Variants in C6 observed in about 807,000 individuals in gnomAD.
The protein encoded by C6 is complement component C6.
C6 carries 101 observed loss-of-function variants against 112.9 expected under a neutral mutation model. That is an observed-to-expected ratio of 0.89 (90% CI 0.76 to 1.06). The LOEUF (loss-of-function observed/expected upper bound fraction) is 1.06. Ranked by LOEUF, C6 falls within the 50% of genes least tolerant of loss-of-function variation. The probability of loss-of-function intolerance (pLI) is 0.00; values close to 1 mark genes in which losing one functional copy is unlikely to be tolerated. For missense variants in C6, 1,202 were observed against 1,104.6 expected, an observed-to-expected ratio of 1.09 and a Z score of -1.25; for synonymous variants, 431 against 384.1, an observed-to-expected ratio of 1.12 and a Z score of -1.43.
At chr5:41,165,593 T>A (rs1024601978) in intron 9 of C6, among the ~76,000 whole-genome samples, 2 of 152,184 alleles carry the variant, frequency 1.3e-5, no homozygotes, top group African/African-American at 4.8e-5. Flanking sequence ...TTTGCTTATT[T>A]TACAATTTCA....
chr5:41,170,462 A>T (rs1748333229), intron 9 of C6, among the ~76,000 whole-genome samples: 1 of 151,920 alleles, frequency 6.6e-6, no homozygotes, highest in Non-Finnish European at 1.5e-5. Context: ...TATTGAACTC[A>T]TATTCTTATT....
At chr5:41,235,111 A>T (rs562936886) in intron 1 of C6, among the ~76,000 whole-genome samples, 8 of 140,976 alleles carry the variant, frequency 5.7e-5, no homozygotes, top group Non-Finnish European at 9.1e-5. Context: ...GTTTTAGGGT[A>T]CATGTGCACA....
At chr5:41,237,069 A>G (rs1359921488) in intron 1 of C6, among the ~76,000 whole-genome samples, 1 of 145,106 alleles carries the variant, frequency 6.9e-6, no homozygotes, top group African/African-American at 2.6e-5. Flanking sequence ...AGGCTCTGAA[A>G]TTGTGGCAAT....
chr5:41,149,487 C>G lies in C6; in HGVS notation c.2382-5G>C. 1.2e-6 allele frequency: 2 copies of G among 1,613,716 alleles called. No homozygotes were observed. The highest frequency in any genetic ancestry group is 1.7e-6 in the Non-Finnish European group (2 of 1,179,918). On this transcript the variant is annotated splice_polypyrimidine_tract_variant and splice_region_variant and intron_variant, in intron 16 of 17. Coordinates refer to ENST00000337836, the MANE Select transcript of C6 (RefSeq NM_000065.5). The stretch of plus-strand genomic sequence containing the variant: ...CAGAGATCTTCTGAATGATGGCTGC[C>G]CAAGAGAGGAAAGCAAGCATTTCTA...
At chr5:41,192,840 A>G (rs1302369334) in intron 5 of C6, among the ~76,000 whole-genome samples, 2 of 152,160 alleles carry the variant, frequency 1.3e-5, no homozygotes, top group East Asian at 3.9e-4. Context: ...ACAGAAAGTG[A>G]ATTAGTGGTT....
At chr5:41,219,480 T>C (rs1425827206) in intron 1 of C6, among the ~76,000 whole-genome samples, 1 of 152,112 alleles carries the variant, frequency 6.6e-6, no homozygotes, top group Non-Finnish European at 1.5e-5. Context: ...TGAAGGGACA[T>C]GTGAAGTCCT....
intron 5 of C6, among the ~76,000 whole-genome samples, chr5:41,191,883 T>C (rs1750244474): frequency 6.6e-6 from 1 of 152,070 alleles, no homozygotes; most frequent in African/African-American, 2.4e-5. Context: ...CCTTTCCAGT[T>C]TGGATCCATT....
chr5:41,251,228 T>C (rs1741338757), intron 1 of C6, among the ~76,000 whole-genome samples: 1 of 152,184 alleles, frequency 6.6e-6, no homozygotes, highest in South Asian at 2.1e-4. Context: ...TGACAACAGC[T>C]GATTCAGGCC....
At position 41,161,782 on chromosome 5, in the gene C6, A is replaced by C. The variant is rs1042948478; in HGVS notation, c.1369T>G (p.Trp457Gly). 1 of 1,613,648 alleles carries C rather than the reference A, an allele frequency of 6.2e-7. No individual in the cohort carries two copies. The highest frequency in any genetic ancestry group is 1.3e-5 in the African/African-American group (1 of 75,006). ...TCCAGACCAGAGCTCCCTTTCTCCC[A>C]TGCCAAAGCTGCTCCATATTCACTC... ...GRSEYGAALAWEKGSSGLEEK... is the reference protein window; with the variant it reads ...GRSEYGAALAGEKGSSGLEEK... The change falls in exon 10 of 18, where the codon TGG (tryptophan) becomes GGG (glycine). Residue 457 changes from tryptophan (W) to glycine (G), a missense_variant. Physicochemically the swap from Trp to Gly is radical, Grantham distance 184 (BLOSUM62 -2). Transcript: ENST00000337836.
At chr5:41,235,308 T>G (rs1740212097) in intron 1 of C6, among the ~76,000 whole-genome samples, 1 of 142,748 alleles carries the variant, frequency 7.0e-6, no homozygotes, top group South Asian at 2.4e-4. Flanking sequence ...TTCCCACCTA[T>G]GCGTGAGAAT....
chr5:41,186,506 C>A, intron 5 of C6: 1 of 356,436 alleles, frequency 2.8e-6, no homozygotes, highest in South Asian at 2.9e-5. Context: ...ACTTACAAAG[C>A]CAGTGCAAAG....
intron 5 of C6, among the ~76,000 whole-genome samples, chr5:41,194,439 C>A (rs1347833468): frequency 6.6e-6 from 1 of 152,120 alleles, no homozygotes. Context: ...TACTTTCAGA[C>A]TAATGGTTTT....
chr5:41,147,415 A>T (rs1435180671), intron 17 of C6, among the ~76,000 whole-genome samples: 1 of 152,188 alleles, frequency 6.6e-6, no homozygotes, highest in Non-Finnish European at 1.5e-5. Flanking sequence ...AGTTGTCACC[A>T]TCAGATGCCA....
At chr5:41,240,443 C>T (rs1284475172) in intron 1 of C6, among the ~76,000 whole-genome samples, 3 of 152,122 alleles carry the variant, frequency 2.0e-5, no homozygotes. Flanking sequence ...CGCTGAGCAG[C>T]ATGCATAGTA....
At chr5:41,222,563 G>A (rs933777457) in intron 1 of C6, among the ~76,000 whole-genome samples, 2 of 151,926 alleles carry the variant, frequency 1.3e-5, no homozygotes, top group South Asian at 2.1e-4. Context: ...TTTCCTTGGG[G>A]GGAAATAATG....
chr5:41,219,238 T>C (rs1423509048), intron 1 of C6, among the ~76,000 whole-genome samples: 3 of 152,084 alleles, frequency 2.0e-5, no homozygotes, highest in Non-Finnish European at 4.4e-5. Context: ...TAAGATTCTT[T>C]ACCTCCTAGG....
intron 1 of C6, among the ~76,000 whole-genome samples, chr5:41,238,718 G>A (rs1395616208): frequency 6.6e-6 from 1 of 152,162 alleles, no homozygotes; most frequent in African/African-American, 2.4e-5. Context: ...TGATGTCATT[G>A]AAAGTAGAAT....
At chr5:41,230,986 T>G (rs1739862737) in intron 1 of C6, among the ~76,000 whole-genome samples, 1 of 152,194 alleles carries the variant, frequency 6.6e-6, no homozygotes. Context: ...AAATTCTATT[T>G]AGTCTCATCT....
At chr5:41,208,133 C>T (rs1025962845) in intron 1 of C6, among the ~76,000 whole-genome samples, 18 of 152,182 alleles carry the variant, frequency 1.2e-4, no homozygotes, top group Admixed American at 8.5e-4. Flanking sequence ...GGGTACATAA[C>T]GAAATGAAGC....
Sources: gnomAD v4.1 joint callset for allele counts (sites outside exome capture counted in the v4.1 genomes callset) on GRCh38, gnomAD v4.1.1 for gene constraint, MANE v1.5 for transcripts, NCBI Gene and HGNC (gene_info 2026-07-23, HGNC 2026-07-21) for gene names.